Variants in LRRTM4 observed in about 807,000 individuals in gnomAD.
LRRTM4 encodes leucine-rich repeat transmembrane neuronal protein 4.
A neutral mutation model predicts 47.6 loss-of-function variants in LRRTM4; 25 were observed. That is an observed-to-expected ratio of 0.53 (90% CI 0.38 to 0.73). The LOEUF is 0.73. Among genes scored for constraint, LRRTM4 ranks in the 30% least tolerant of loss-of-function variants. The pLI, the probability that LRRTM4 is intolerant of heterozygous loss-of-function variation, is 0.00. For synonymous variants in LRRTM4, 311 were observed against 269.5 expected (o/e 1.15, Z -1.51); for missense variants, 638 against 713.4 (o/e 0.89, Z 1.20).
chr2:77,171,731 C>T (rs1673054321), intron 3 of LRRTM4, among the ~76,000 whole-genome samples: 1 of 151,570 alleles, frequency 6.6e-6, no homozygotes, highest in Admixed American at 6.6e-5. Flanking sequence ...AGATAATTGT[C>T]TAAGTTAGTA....
At chr2:76,907,818 CA>C (rs1367084724) in intron 3 of LRRTM4, among the ~76,000 whole-genome samples, 2 of 136,776 alleles carry the variant, frequency 1.5e-5, no homozygotes, top group Non-Finnish European at 3.1e-5. Context: ...CTGAATAGAC[CA>C]ATAACAGGAG....
intron 3 of LRRTM4, among the ~76,000 whole-genome samples, chr2:77,250,127 G>A (rs1287797886): frequency 6.6e-6 from 1 of 152,072 alleles, no homozygotes; most frequent in Admixed American, 6.6e-5. Context: ...CAAGATTATG[G>A]AGATAGTGAA....
intron 3 of LRRTM4, among the ~76,000 whole-genome samples, chr2:77,208,455 T>G (rs1325407488): frequency 6.6e-6 from 1 of 152,052 alleles, no homozygotes; most frequent in Admixed American, 6.6e-5. Flanking sequence ...AGAGCACATG[T>G]GAAGATGGTA....
intron 3 of LRRTM4, among the ~76,000 whole-genome samples, chr2:77,123,158 C>G (rs1175122789): frequency 6.6e-6 from 1 of 150,472 alleles, no homozygotes; most frequent in African/African-American, 2.5e-5. Context: ...AAGAAAAATA[C>G]ATAAGCAAAT....
chr2:76,764,968 G>T (rs1673399879), intron 3 of LRRTM4, among the ~76,000 whole-genome samples: 1 of 152,180 alleles, frequency 6.6e-6, no homozygotes, highest in Admixed American at 6.5e-5. Flanking sequence ...GAAAATTGTG[G>T]AAGTGGAGCT....
At chr2:77,108,331 G>A (rs573151260) in intron 3 of LRRTM4, among the ~76,000 whole-genome samples, 4 of 151,964 alleles carry the variant, frequency 2.6e-5, no homozygotes, top group Non-Finnish European at 4.4e-5. Flanking sequence ...ACGAGAACAA[G>A]AAGAAGTCAT....
intron 3 of LRRTM4, among the ~76,000 whole-genome samples, chr2:77,299,832 T>A (rs1210292550): frequency 6.6e-6 from 1 of 150,614 alleles, no homozygotes; most frequent in East Asian, 2.0e-4. Context: ...TGTGAGGACA[T>A]GATGTAAGGT....
chr2:76,882,207 G>C (rs139645815), intron 3 of LRRTM4, among the ~76,000 whole-genome samples: 5 of 152,048 alleles, frequency 3.3e-5, no homozygotes, highest in African/African-American at 1.2e-4. Context: ...AATATTTTCT[G>C]TTTGGTATTG....
Position 77,362,164 on chromosome 2 carries a change from A to AGAAAGAAAGAAAGAAAGAAAGAAAGAAG in LRRTM4, c.1551+156153_1551+156154insCTTCTTTCTTTCTTTCTTTCTTTCTTTC, listed in dbSNP as rs1553434448. 1.3e-5 allele frequency among the ~76,000 whole-genome samples: 2 copies of AGAAAGAAAGAAAGAAAGAAAGAAAGAAG among 151,474 alleles called. 1 individual carries two copies. Among genetic ancestry groups the AGAAAGAAAGAAAGAAAGAAAGAAAGAAG allele is most frequent in the African/African-American group, 4.9e-5 (2 of 40,920 alleles). The stretch of plus-strand genomic sequence containing the variant: ...AAGAAAGAAAGAAAGAAAGAAAGAA[A>AGAAAGAAAGAAAGAAAGAAAGAAAGAAG]GAAAGAAAGGAAGGAAGGAAGAGTT... On this transcript the variant is annotated intron_variant, in intron 3 of 3. Transcript: ENST00000409884.
intron 3 of LRRTM4, among the ~76,000 whole-genome samples, chr2:76,927,587 T>A (rs567944342): frequency 6.6e-6 from 1 of 152,268 alleles, no homozygotes; most frequent in East Asian, 1.9e-4. Flanking sequence ...AATACCTTTC[T>A]CTATTCCAAT....
At chr2:76,947,100 GA>G (rs1217454404) in intron 3 of LRRTM4, among the ~76,000 whole-genome samples, 5 of 151,762 alleles carry the variant, frequency 3.3e-5, no homozygotes, top group East Asian at 3.9e-4. Flanking sequence ...ATTTGAATGG[GA>G]AAAAAATGGA....
intron 3 of LRRTM4, among the ~76,000 whole-genome samples, chr2:76,891,839 A>G (rs1326105625): frequency 6.6e-6 from 1 of 151,692 alleles, no homozygotes; most frequent in Non-Finnish European, 1.5e-5. Context: ...ATTCGGATGC[A>G]AAAAAGATAA....
At chr2:76,795,416 T>A (rs1021745643) in intron 3 of LRRTM4, among the ~76,000 whole-genome samples, 4 of 128,084 alleles carry the variant, frequency 3.1e-5, no homozygotes, top group African/African-American at 1.1e-4. Context: ...ATGTAAAGAT[T>A]TTTTACTGTC....
At chr2:77,066,839 T>C (rs1679971854) in intron 3 of LRRTM4, among the ~76,000 whole-genome samples, 1 of 152,238 alleles carries the variant, frequency 6.6e-6, no homozygotes. Flanking sequence ...ATGACTAATT[T>C]ACTCAAACCA....
At chr2:77,360,544 T>A (rs1175233197) in intron 3 of LRRTM4, among the ~76,000 whole-genome samples, 17 of 137,368 alleles carry the variant, frequency 1.2e-4, no homozygotes, top group Non-Finnish European at 1.7e-4. Flanking sequence ...TACAATACAA[T>A]CATTCATACA....
chr2:77,307,052 A>C (rs1677299675), intron 3 of LRRTM4, among the ~76,000 whole-genome samples: 1 of 151,266 alleles, frequency 6.6e-6, no homozygotes, highest in South Asian at 2.1e-4. Context: ...GGCGCCCACC[A>C]CCACGCCCGG....
intron 3 of LRRTM4, among the ~76,000 whole-genome samples, chr2:77,305,280 TC>T (rs1255575279): frequency 6.6e-6 from 1 of 152,024 alleles, no homozygotes; most frequent in Non-Finnish European, 1.5e-5. Flanking sequence ...TAAACACAAA[TC>T]CTATACGCTG....
At position 77,240,930 on chromosome 2, in the gene LRRTM4, G is replaced by T. The variant is rs1382543176; in HGVS notation, c.1551+277388C>A. ...GAATACCTACTTTAATTAAGATATGGATCACGCTTATAGACAGAAAGACTA... is the reference window on the plus strand; with the variant it reads ...GAATACCTACTTTAATTAAGATATGTATCACGCTTATAGACAGAAAGACTA... On this transcript the variant is annotated intron_variant, in intron 3 of 3. Transcript: ENST00000409884. Among the ~76,000 whole-genome samples, 6 of 151,834 alleles carry T rather than the reference G, an allele frequency of 4.0e-5. No homozygotes were observed. The East Asian group carries it at 1.2e-3, about 29-fold the overall frequency.
At chr2:77,421,685 C>T (rs190296379) in intron 3 of LRRTM4, among the ~76,000 whole-genome samples, 4 of 150,778 alleles carry the variant, frequency 2.7e-5, no homozygotes, top group Admixed American at 6.6e-5. Flanking sequence ...CCAGCCTGGG[C>T]GGCAGAGGGA....
Sources: allele counts gnomAD v4.1 joint callset (sites outside exome capture counted in the v4.1 genomes callset), GRCh38; gene constraint gnomAD v4.1.1; transcripts MANE v1.5; gene names NCBI Gene and HGNC (gene_info 2026-07-23, HGNC 2026-07-21).